The following GLRX3 variants were observed in gnomAD, a reference collection of about 807,000 sequenced individuals.
GLRX3 encodes the protein glutaredoxin-3.
GLRX3 carries 22 observed loss-of-function variants against 49.5 expected under a neutral mutation model. That is an observed-to-expected ratio of 0.44 (90% CI 0.32 to 0.63). The LOEUF (loss-of-function observed/expected upper bound fraction) is 0.63, where lower values mean the gene tolerates loss of function less well. Among genes scored for constraint, GLRX3 ranks in the 30% least tolerant of loss-of-function variants. The probability of loss-of-function intolerance (pLI) is 0.05; values close to 1 mark genes in which losing one functional copy is unlikely to be tolerated. For missense variants in GLRX3, 385 were observed against 396.3 expected (o/e 0.97, Z 0.24); for synonymous variants, 133 against 140.0 (o/e 0.95, Z 0.35).
chr10:130,150,128 T>C (rs1170647806), intron 2 of GLRX3, among the ~76,000 whole-genome samples: 5 of 150,840 alleles, frequency 3.3e-5, no homozygotes, highest in African/African-American at 1.2e-4. Flanking sequence ...TATTCCCAGC[T>C]AGTCGGGAGG....
At chr10:130,178,253 C>A (rs1216536346) in intron 10 of GLRX3, among the ~76,000 whole-genome samples, 1 of 151,612 alleles carries the variant, frequency 6.6e-6, no homozygotes, top group African/African-American at 2.4e-5. Flanking sequence ...CTTTTTTTTT[C>A]TTCCTTTTTT....
chr10:130,154,042 G>A (rs907891872), intron 2 of GLRX3, among the ~76,000 whole-genome samples: 11 of 152,208 alleles, frequency 7.2e-5, no homozygotes, highest in Admixed American at 3.9e-4. Flanking sequence ...CAGCAATGGC[G>A]GACGCCCCTC....
At chr10:130,161,185 G>A (rs922577456) in intron 4 of GLRX3, among the ~76,000 whole-genome samples, 188 bp downstream of exon 4, 4 of 152,064 alleles carry the variant, frequency 2.6e-5, no homozygotes, top group Admixed American at 2.6e-4. Context: ...TTGCATTATG[G>A]ACTCAGCATG....
intron 2 of GLRX3, among the ~76,000 whole-genome samples, chr10:130,153,243 A>G (rs1862413265): frequency 6.6e-6 from 1 of 152,174 alleles, no homozygotes. Context: ...GAGTTAGAAC[A>G]TGCTCCTTTA....
chr10:130,159,154 G>A (rs1862530122), intron 2 of GLRX3, among the ~76,000 whole-genome samples: 1 of 152,132 alleles, frequency 6.6e-6, no homozygotes, highest in South Asian at 2.1e-4. Flanking sequence ...TGTGAATACA[G>A]ATTTTTATTG....
rs576351806 is a variant in GLRX3 at position 130,173,933 on chromosome 10, C to G, written c.825-934C>G. 4.6e-5 allele frequency among the ~76,000 whole-genome samples: 7 copies of G among 152,048 alleles called. No homozygotes were observed. In the South Asian group the frequency reaches 1.5e-3, roughly 32 times the overall value. ...TGATGGTTTCAGTTTTATGGAAAGTCCAGTTTTTTTTACATGTAGCATTTT... is the reference window on the plus strand; with the variant it reads ...TGATGGTTTCAGTTTTATGGAAAGTGCAGTTTTTTTTACATGTAGCATTTT... On this transcript the variant is annotated intron_variant, in intron 8 of 10. Coordinates refer to ENST00000331244, the MANE Select transcript of GLRX3 (RefSeq NM_006541.5).
intron 2 of GLRX3, among the ~76,000 whole-genome samples, chr10:130,151,590 C>G (rs1417637301): frequency 1.3e-5 from 2 of 151,436 alleles, no homozygotes; most frequent in East Asian, 2.0e-4. Flanking sequence ...TCTCATTGTT[C>G]AGCTCCCACT....
intron 4 of GLRX3, among the ~76,000 whole-genome samples, chr10:130,161,633 G>A (rs1055896032): frequency 6.6e-6 from 1 of 152,154 alleles, no homozygotes; most frequent in Non-Finnish European, 1.5e-5. Flanking sequence ...TTGTCCTTAA[G>A]TAAGTTTTAG....
intron 10 of GLRX3, 106 bp from the exon 11 acceptor site, chr10:130,179,236 G>A (rs953191092): frequency 3.2e-6 from 2 of 621,094 alleles, no homozygotes; most frequent in African/African-American, 3.9e-5. Context: ...AATCCAATAG[G>A]TGTTTCTTTT....
At chr10:130,147,753 G>A (rs1862295573) in intron 2 of GLRX3, among the ~76,000 whole-genome samples, 1 of 152,180 alleles carries the variant, frequency 6.6e-6, no homozygotes, top group African/African-American at 2.4e-5. Context: ...AGTAAGAGAG[G>A]CGTGCAGGCT....
At chr10:130,156,771 A>T (rs1392150219) in intron 2 of GLRX3, among the ~76,000 whole-genome samples, 1 of 152,172 alleles carries the variant, frequency 6.6e-6, no homozygotes, top group African/African-American at 2.4e-5. Flanking sequence ...TTCTCCATAG[A>T]CACATAGCAG....
At chr10:130,139,258 A>G (rs1254920003) in intron 1 of GLRX3, among the ~76,000 whole-genome samples, 2 of 152,176 alleles carry the variant, frequency 1.3e-5, no homozygotes, top group East Asian at 3.9e-4. Flanking sequence ...TTCCTTAGTG[A>G]CTAGTTCAAA....
At chr10:130,164,935 G>T (rs1418776081) in intron 4 of GLRX3, among the ~76,000 whole-genome samples, 1 of 152,198 alleles carries the variant, frequency 6.6e-6, no homozygotes, top group Non-Finnish European at 1.5e-5. Context: ...TTTACTTCAG[G>T]CTGTACATGA....
chr10:130,175,578 TG>T (rs1438236728), intron 10 of GLRX3, among the ~76,000 whole-genome samples: 3 of 152,236 alleles, frequency 2.0e-5, no homozygotes, highest in African/African-American at 7.2e-5. Flanking sequence ...TCTGTTAGAT[TG>T]TGTTTTAGAT....
intron 2 of GLRX3, among the ~76,000 whole-genome samples, chr10:130,146,034 C>G (rs1862264523): frequency 6.6e-6 from 1 of 152,164 alleles, no homozygotes; most frequent in East Asian, 1.9e-4. Context: ...ACCTCGTGAT[C>G]TGCTCACCTT....
intron 2 of GLRX3, among the ~76,000 whole-genome samples, chr10:130,150,929 G>GTT (rs796193513): frequency 5.2e-4 from 71 of 137,526 alleles, no homozygotes; most frequent in Non-Finnish European, 5.5e-4. Context: ...TGGTAGAATT[G>GTT]TTTTTTTTTT....
chr10:130,177,524 C>A (rs1335354628), intron 10 of GLRX3, among the ~76,000 whole-genome samples: 1 of 152,192 alleles, frequency 6.6e-6, no homozygotes, highest in South Asian at 2.1e-4. Flanking sequence ...GAGCAGAATT[C>A]TTCTTAGTCA....
At chr10:130,157,486 GGCC>G (rs1476631276) in intron 2 of GLRX3, among the ~76,000 whole-genome samples, 32 of 45,482 alleles carry the variant, frequency 7.0e-4, no homozygotes, top group African/African-American at 1.5e-3. Context: ...ATTGGATGGT[GGCC>G]GCCGCCCCCC....
intron 7 of GLRX3, among the ~76,000 whole-genome samples, chr10:130,170,535 C>T (rs1404906727): frequency 6.6e-6 from 1 of 151,848 alleles, no homozygotes; most frequent in Non-Finnish European, 1.5e-5. Context: ...AGGTTAGGGC[C>T]TAAATTCTTT....
Sources: allele counts gnomAD v4.1 joint callset (sites outside exome capture counted in the v4.1 genomes callset), GRCh38; gene constraint gnomAD v4.1.1; transcripts MANE v1.5; gene names NCBI Gene and HGNC (gene_info 2026-07-23, HGNC 2026-07-21).